Variants in MYO9A observed in about 807,000 individuals in gnomAD.
The protein encoded by MYO9A is myosin IXA, also known as unconventional myosin-IXa.
Under a neutral mutation model 293.3 loss-of-function variants are expected in MYO9A, and 103 were observed. The observed-to-expected ratio is 0.35, with a 90% CI of 0.30 to 0.41. The LOEUF is 0.41. Ranked by LOEUF, MYO9A falls within the 10% of genes least tolerant of loss-of-function variation. MYO9A has a pLI of 1.00. For missense variants in MYO9A, 2,685 were observed against 3,033.0 expected (o/e 0.89, Z 2.69); for synonymous variants, 1,001 against 1,035.7 (o/e 0.97, Z 0.64).
At chr15:71,857,892 A>G (rs1221037921) in intron 34 of MYO9A, among the ~76,000 whole-genome samples, 1 of 152,272 alleles carries the variant, frequency 6.6e-6, no homozygotes, top group Non-Finnish European at 1.5e-5. Flanking sequence ...TCTACAAAGA[A>G]CTCAAACAAA....
rs1293458135 is a variant in MYO9A at position 71,994,978 on chromosome 15, C to T, written c.1471-393G>A. 2.6e-5 allele frequency among the ~76,000 whole-genome samples: 4 copies of T among 152,126 alleles called. No homozygotes were observed. In the South Asian group the frequency reaches 8.3e-4, roughly 31 times the overall value. ...AATTCCTGACCTCAGGTGATTCACC[C>T]GTCTTGGCCTCCCAAAGTGCTGGGA... On this transcript the variant is annotated intron_variant, in intron 9 of 41. Transcript: ENST00000356056.
intron 13 of MYO9A, among the ~76,000 whole-genome samples, chr15:71,966,622 T>G (rs888550591): frequency 3.3e-5 from 5 of 152,130 alleles, no homozygotes; most frequent in African/African-American, 1.2e-4. Flanking sequence ...ATCAATAAAG[T>G]CTGTGGATGG....
chr15:71,831,572 G>A (rs978171397), intron 39 of MYO9A, among the ~76,000 whole-genome samples: 1 of 152,182 alleles, frequency 6.6e-6, no homozygotes, highest in African/African-American at 2.4e-5. Context: ...TGCAGATACT[G>A]TAGTCTAGCT....
chr15:72,071,334 A>G (rs2079183038), intron 1 of MYO9A, among the ~76,000 whole-genome samples: 1 of 152,182 alleles, frequency 6.6e-6, no homozygotes, highest in African/African-American at 2.4e-5. Context: ...GCAAATTAAA[A>G]CCACAGAGAT....
Position 71,843,257 on chromosome 15 carries a change from C to T in MYO9A, c.6837+5588G>A, listed in dbSNP as rs191059576. ...CAGCCTGGCCAACATGGTGAAACCCCGTCTCTACTAAAAATACAAAAATTA... is the reference window on the plus strand; with the variant it reads ...CAGCCTGGCCAACATGGTGAAACCCTGTCTCTACTAAAAATACAAAAATTA... On this transcript the variant is annotated intron_variant, in intron 39 of 41. Transcript: ENST00000356056. Among the ~76,000 whole-genome samples the T allele has an allele frequency of 2.4e-3, 360 of 151,770 alleles. 4 individuals carry two copies. The East Asian group carries it at 0.046, about 19-fold the overall frequency.
Position 71,824,463 on chromosome 15 carries a change from C to G in MYO9A, c.*2117G>C, listed in dbSNP as rs1343137154. 6.6e-6 allele frequency: 1 copy of G among 151,920 alleles called. No individual in the cohort carries two copies. Among genetic ancestry groups the G allele is most frequent in the African/African-American group, 2.4e-5 (1 of 41,350 alleles). 9.4% of individuals were successfully genotyped at this position (151,920 alleles called of 1,614,324 possible). ...CTCTTTTTTTCATACAGGATTTAAC[C>G]AACATTCTGGAGCAAGTGCAGAGTA... On this transcript the variant is annotated 3_prime_UTR_variant, in exon 42 of 42. Coordinates refer to ENST00000356056, the MANE Select transcript of MYO9A (RefSeq NM_006901.4).
In MYO9A at chr15:72,018,741, A is replaced by G. The variant is rs184311065; in HGVS notation, c.1155+298T>C. On this transcript the variant is annotated intron_variant, in intron 6 of 41. Coordinates refer to ENST00000356056, the MANE Select transcript of MYO9A (RefSeq NM_006901.4). ...AAAACCATAGTTCATACAAATCCAC[A>G]GCAATGATGAAGAATCAGGAATATA... Among the ~76,000 whole-genome samples the G allele has an allele frequency of 8.5e-5, 13 of 152,360 alleles. No individual in the cohort carries two copies. The East Asian group carries it at 1.5e-3, about 18-fold the overall frequency.
chr15:71,907,098 C>T (rs1448349440), intron 19 of MYO9A, among the ~76,000 whole-genome samples: 4 of 145,642 alleles, frequency 2.7e-5, no homozygotes, highest in South Asian at 2.3e-4. Context: ...CCCCCCTCCC[C>T]CTACCCCACA....
chr15:71,938,908 G>C lies in MYO9A; in HGVS notation c.2322C>G (p.Pro774=). The C allele has an allele frequency of 1.9e-6, 3 of 1,610,198 alleles. No individual in the cohort carries two copies. The highest frequency in any genetic ancestry group is 2.5e-6 in the Non-Finnish European group (3 of 1,178,360). The change falls in exon 16 of 42, where the codon CCC becomes CCG. Residue 774 remains proline (P), a synonymous_variant. Coordinates refer to ENST00000356056, the MANE Select transcript of MYO9A (RefSeq NM_006901.4). ...EEKYSITRKN[P]RTPLSDLQGM... ...CCTGGAGATCAGAAAGAGGTGTTCT[G>C]GGATTTTTCCGGGTTATACCTAGCA...
intron 4 of MYO9A, among the ~76,000 whole-genome samples, chr15:72,023,670 G>A (rs985278921): frequency 6.7e-6 from 1 of 148,976 alleles, no homozygotes; most frequent in African/African-American, 2.5e-5. Context: ...ACTCCAGCCT[G>A]GGCGACAAGA....
rs564091799 is a variant in MYO9A, at chr15:71,883,127, T to C, written c.5398+467A>G. ...CCTAATAAAAAAAATTCTCTGTGCCTGAGTTTTCTCATCCATAAATTGGGA... is the reference window on the plus strand; with the variant it reads ...CCTAATAAAAAAAATTCTCTGTGCCCGAGTTTTCTCATCCATAAATTGGGA... On this transcript the variant is annotated intron_variant, in intron 28 of 41. Transcript: ENST00000356056. Among the ~76,000 whole-genome samples, 4 of 152,292 alleles carry C rather than the reference T, an allele frequency of 2.6e-5. No homozygotes were observed. The South Asian group carries it at 8.3e-4, about 32-fold the overall frequency.
intron 32 of MYO9A, among the ~76,000 whole-genome samples, chr15:71,873,859 A>C (rs1479727896): frequency 6.6e-6 from 1 of 152,208 alleles, no homozygotes; most frequent in Non-Finnish European, 1.5e-5. Context: ...TAAAGTATAT[A>C]AAGTGCCTAA....
intron 33 of MYO9A, 97 bp from the exon 34 acceptor site, chr15:71,859,893 T>C (rs2056043486): frequency 9.9e-7 from 1 of 1,015,224 alleles, no homozygotes; most frequent in Admixed American, 2.2e-5. Flanking sequence ...CGTTTTTTTC[T>C]TTAAATCTCA....
intron 1 of MYO9A, among the ~76,000 whole-genome samples, chr15:72,073,183 G>C (rs1207092220): frequency 2.0e-5 from 3 of 152,160 alleles, no homozygotes; most frequent in Non-Finnish European, 4.4e-5. Flanking sequence ...CACCTTTCAA[G>C]TGTGACCATC....
At chr15:72,117,643 G>C (rs1298122970) in intron 1 of MYO9A, 37 bp downstream of exon 1, 2 of 395,264 alleles carry the variant, frequency 5.1e-6, no homozygotes, top group African/African-American at 2.1e-5. Flanking sequence ...GGGCCAGGAC[G>C]GGCTGCAGGG....
intron 31 of MYO9A, among the ~76,000 whole-genome samples, chr15:71,876,302 C>T (rs1231047085): frequency 6.6e-6 from 1 of 151,744 alleles, no homozygotes; most frequent in Non-Finnish European, 1.5e-5. Flanking sequence ...CACACACCAC[C>T]ACATCTGGCT....
At chr15:71,912,652 A>G (rs908688454) in intron 19 of MYO9A, among the ~76,000 whole-genome samples, 3 of 152,068 alleles carry the variant, frequency 2.0e-5, no homozygotes, top group Admixed American at 2.0e-4. Context: ...TTTTCCCATC[A>G]TTTTTCTTCC....
intron 1 of MYO9A, among the ~76,000 whole-genome samples, chr15:72,082,284 G>A (rs1330120070): frequency 2.0e-5 from 3 of 152,056 alleles, no homozygotes; most frequent in African/African-American, 4.8e-5. Context: ...TTCCTTTTGT[G>A]ATGATTGTGA....
At chr15:71,917,441 A>C (rs2058039735) in intron 18 of MYO9A, among the ~76,000 whole-genome samples, 1 of 152,182 alleles carries the variant, frequency 6.6e-6, no homozygotes, top group Non-Finnish European at 1.5e-5. Flanking sequence ...AGGCTGAGGC[A>C]GGAGAACTGC....
Sources: gnomAD v4.1 joint callset for allele counts (sites outside exome capture counted in the v4.1 genomes callset) on GRCh38, gnomAD v4.1.1 for gene constraint, MANE v1.5 for transcripts, NCBI Gene and HGNC (gene_info 2026-07-23, HGNC 2026-07-21) for gene names.